Variants in NLRP1 observed in about 807,000 individuals in gnomAD.
NLRP1 encodes NACHT, LRR and PYD domains-containing protein 1.
In NLRP1, 94 loss-of-function variants were observed where a neutral mutation model predicts 136.7. The ratio of observed to expected loss-of-function variants is 0.69; its 90% confidence interval spans 0.58 to 0.82. NLRP1 has a LOEUF of 0.82. Among genes scored for constraint, NLRP1 ranks in the 40% least tolerant of loss-of-function variants. The pLI, the probability that NLRP1 is intolerant of heterozygous loss-of-function variation, is 0.00. For synonymous variants in NLRP1, 690 were observed against 725.1 expected, an observed-to-expected ratio of 0.95 and a Z score of 0.78; for missense variants, 1,575 against 1,802.7, an observed-to-expected ratio of 0.87 and a Z score of 2.29.
chr17:5,511,751 TTTTC>T (rs1041290786), downstream of NLRP1, among the ~76,000 whole-genome samples: 57 of 149,860 alleles, frequency 3.8e-4, no homozygotes, highest in Middle Eastern at 3.4e-3. Context: ...TCCCTTTCTC[TTTTC>T]TTTTTCTTTC....
At chr17:5,517,940 TTTCCCCACCTGACACC>T (rs1389348449) in intron 14 of NLRP1, 53 bp from the exon 15 acceptor site, 1 of 1,593,890 alleles carries the variant, frequency 6.3e-7, no homozygotes, top group Admixed American at 1.7e-5. Context: ...ATGGAAGGTC[TTTCCCCACCTGACACC>T]TTCTTGGCCC....
intron 5 of NLRP1, among the ~76,000 whole-genome samples, chr17:5,548,727 G>C (rs1231254547): frequency 6.6e-6 from 1 of 151,812 alleles, no homozygotes; most frequent in Non-Finnish European, 1.5e-5. Context: ...TAATCCAATG[G>C]ACAAATTTCA....
intron 14 of NLRP1, 52 bp downstream of exon 14, chr17:5,520,829 T>A: frequency 6.8e-7 from 1 of 1,475,132 alleles, no homozygotes; most frequent in Non-Finnish European, 9.1e-7. Flanking sequence ...AGGCATTCAT[T>A]CCCAGGTAGG....
At chr17:5,572,365 A>G (rs1904464114) in intron 3 of NLRP1, among the ~76,000 whole-genome samples, 1 of 152,218 alleles carries the variant, frequency 6.6e-6, no homozygotes, top group South Asian at 2.1e-4. Flanking sequence ...CAAAGTTGGA[A>G]TATCCAGAAT....
intron 9 of NLRP1, 134 bp from the exon 10 acceptor site, chr17:5,533,518 T>G (rs973507213): frequency 3.7e-6 from 2 of 546,996 alleles, no homozygotes; most frequent in Admixed American, 5.7e-5. Context: ...AACATGCCAC[T>G]GCACTCCAGC....
chr17:5,581,892 G>T lies in NLRP1; in HGVS notation c.619C>A (p.Pro207Thr). Residue 207 changes from proline (P) to threonine (T), a missense_variant, in exon 3 of 17, where the codon CCT becomes ACT. By Grantham distance (38) the Pro-to-Thr change is conservative (BLOSUM62 -1). Transcript: ENST00000572272. Reference protein sequence around the residue: ...REQEAPGTQWPLDETSGIYYT... With the variant: ...REQEAPGTQWTLDETSGIYYT... ...TAAATTCCTGACGTTTCATCCAGAG[G>T]CCATTGGGTCCCAGGAGCCTCCTGC... is the stretch of plus-strand genomic sequence containing the variant. 6.2e-7 allele frequency: 1 copy of T among 1,613,190 alleles called. No individual in the cohort carries two copies. The highest frequency in any genetic ancestry group is 8.5e-7 in the Non-Finnish European group (1 of 1,179,968).
intron 6 of NLRP1, 60 bp from the exon 7 acceptor site, chr17:5,539,645 A>C (rs2151771152): frequency 2.1e-6 from 3 of 1,463,336 alleles, no homozygotes; most frequent in East Asian, 5.2e-5. Context: ...CTTCAGGGTA[A>C]CTAGGGTCTG....
At chr17:5,530,099 G>A (rs1300015759) in intron 12 of NLRP1, 1 of 459,642 alleles carries the variant, frequency 2.2e-6, no homozygotes, top group South Asian at 1.6e-5. Flanking sequence ...GCTAGTCCCT[G>A]TTGCCCCAAC....
intron 5 of NLRP1, among the ~76,000 whole-genome samples, chr17:5,551,524 A>G (rs1913355561): frequency 6.6e-6 from 1 of 152,142 alleles, no homozygotes; most frequent in Non-Finnish European, 1.5e-5. Flanking sequence ...GAGGTATTCA[A>G]CTCATTTTGG....
chr17:5,530,562 C>G lies in NLRP1; in HGVS notation c.3439G>C (p.Val1147Leu). ...TTGATGTCCAGCAGAGGCCCTGCCA[C>G]CATCCAGCTGTGCTGTGGGTTGATC... is the stretch of plus-strand genomic sequence containing the variant. ...GEINPQHSWM[V>L]AGPLLDIKAE... The change falls in exon 12 of 17, where the codon GTG becomes CTG. Residue 1147 changes from valine to leucine, a missense_variant. Transcript: ENST00000572272. The G allele has an allele frequency of 6.2e-7, 1 of 1,614,220 alleles. No individual in the cohort carries two copies. Among genetic ancestry groups the G allele is most frequent in the Non-Finnish European group, 8.5e-7 (1 of 1,180,042 alleles).
chr17:5,515,543 C>G (rs749470244), intron 15 of NLRP1, 26 bp from the exon 16 acceptor site: 11 of 1,585,758 alleles, frequency 6.9e-6, no homozygotes, highest in Non-Finnish European at 9.5e-6. Context: ...GATGAAGATG[C>G]ATCTGAAACA....
chr17:5,533,153 G>A (rs538233509), intron 10 of NLRP1, 151 bp downstream of exon 10: 2 of 1,456,766 alleles, frequency 1.4e-6, no homozygotes, highest in South Asian at 1.4e-5. Context: ...GCTGTCTGGG[G>A]AGCCCCACTC....
intron 5 of NLRP1, among the ~76,000 whole-genome samples, chr17:5,544,107 C>T (rs1912231305): frequency 6.6e-6 from 1 of 152,168 alleles, no homozygotes; most frequent in Non-Finnish European, 1.5e-5. Flanking sequence ...CATCTCCTGC[C>T]ACCTCCCTCC....
intron 5 of NLRP1, among the ~76,000 whole-genome samples, chr17:5,550,558 A>T (rs1305767240): frequency 6.6e-6 from 1 of 151,886 alleles, no homozygotes; most frequent in Non-Finnish European, 1.5e-5. Context: ...TTTATTTCTG[A>T]TTTTAGTAAT....
intron 3 of NLRP1, among the ~76,000 whole-genome samples, chr17:5,580,166 C>T (rs1003473384): frequency 2.0e-5 from 3 of 152,052 alleles, no homozygotes; most frequent in Non-Finnish European, 4.4e-5. Context: ...ACCCGGGAGG[C>T]AGAGCTTGCA....
rs144539152 is a variant in NLRP1, at chr17:5,541,270, T to C, written c.2699+587A>G. 3.0e-3 allele frequency among the ~76,000 whole-genome samples: 464 copies of C among 152,272 alleles called. 22 individuals carry two copies. In the East Asian group the frequency reaches 0.078, roughly 26 times the overall value. On this transcript the variant is annotated intron_variant, in intron 6 of 16. Transcript: ENST00000572272. This position sits in a 1 kb window ranked among gnomAD's most constrained non-coding sequence, Gnocchi z 4.2. ...CATGTTGGCTAGGCTGGTCTGGAACTCCTGACCTCAAGTGATCTGCCTGCC... is the reference window on the plus strand; with the variant it reads ...CATGTTGGCTAGGCTGGTCTGGAACCCCTGACCTCAAGTGATCTGCCTGCC...
chr17:5,582,202 A>G (rs1183652108), intron 2 of NLRP1, 140 bp from the exon 3 acceptor site: 12 of 749,402 alleles, frequency 1.6e-5, no homozygotes, highest in Non-Finnish European at 2.4e-5. Flanking sequence ...GTAGAGGGGC[A>G]ATTTTATTCT....
Position 5,537,052 on chromosome 17 carries a change from G to A in NLRP1, c.2871-112C>T, listed in dbSNP as rs1435044102. On this transcript the variant is annotated intron_variant, in intron 7 of 16. Coordinates refer to ENST00000572272, the MANE Select transcript of NLRP1 (RefSeq NM_033004.4). The surrounding 1 kb of genome is among the most constrained non-coding windows in gnomAD (Gnocchi z 4.5). Reference sequence around the variant, plus strand: ...CTTCTGAGGCAGCGGCCGCAGGGTGGGTTCCCTGGAAGCCAGGCTCTGAGG... The same window carrying A: ...CTTCTGAGGCAGCGGCCGCAGGGTGAGTTCCCTGGAAGCCAGGCTCTGAGG... 1.4e-6 allele frequency: 1 copy of A among 719,220 alleles called. No homozygotes were observed. The highest frequency in any genetic ancestry group is 2.5e-6 in the Non-Finnish European group (1 of 402,322). 44.6% of individuals were successfully genotyped at this position (719,220 alleles called of 1,614,324 possible). A position where few individuals can be genotyped will look rare whatever the true frequency, so the allele number is the denominator to read the frequency against.
Position 5,523,558 on chromosome 17 carries a change from C to T in NLRP1, c.3521-1772G>A, listed in dbSNP as rs1909167568. 3.9e-5 allele frequency among the ~76,000 whole-genome samples: 6 copies of T among 152,300 alleles called. No homozygotes were observed. The South Asian group carries it at 1.2e-3, about 32-fold the overall frequency. ...GTATCCCTTTTCTGCTTAAATCAGC[C>T]AGAATTGGTACCTTTGATTGCAGTC... On this transcript the variant is annotated intron_variant, in intron 12 of 16. Transcript: ENST00000572272.
Sources: allele counts gnomAD v4.1 joint callset (sites outside exome capture counted in the v4.1 genomes callset), GRCh38; gene constraint gnomAD v4.1.1; non-coding constraint Gnocchi (gnomAD v3.1); transcripts MANE v1.5; gene names NCBI Gene and HGNC (gene_info 2026-07-23, HGNC 2026-07-21).